The following ATXN7L1 variants were observed in gnomAD, a reference collection of about 807,000 sequenced individuals.
ATXN7L1 encodes ataxin 7 like 1.
ATXN7L1 carries 15 observed loss-of-function variants against 70.8 expected under a neutral mutation model. That is an observed-to-expected ratio of 0.21 (90% CI 0.14 to 0.33). ATXN7L1 has a LOEUF of 0.33. Ranked by LOEUF, ATXN7L1 falls within the 10% of genes least tolerant of loss-of-function variation. The probability of loss-of-function intolerance (pLI) is 1.00; values close to 1 mark genes in which losing one functional copy is unlikely to be tolerated. For missense variants in ATXN7L1, 975 were observed against 1,097.1 expected (o/e 0.89, Z 1.57); for synonymous variants, 440 against 445.1 (o/e 0.99, Z 0.14).
At chr7:105,694,881 G>A (rs907423099) in intron 3 of ATXN7L1, among the ~76,000 whole-genome samples, 24 of 152,170 alleles carry the variant, frequency 1.6e-4, no homozygotes, top group Non-Finnish European at 2.5e-4. Flanking sequence ...AGCCAGGCAC[G>A]GTGGCTCACA....
At chr7:105,630,042 T>A (rs1027505066) in intron 7 of ATXN7L1, among the ~76,000 whole-genome samples, 1 of 152,166 alleles carries the variant, frequency 6.6e-6, no homozygotes, top group South Asian at 2.1e-4. Flanking sequence ...AGTCTTGAAC[T>A]CTTGACTTCA....
intron 4 of ATXN7L1, among the ~76,000 whole-genome samples, chr7:105,652,338 T>C (rs1799974290): frequency 6.6e-6 from 1 of 152,088 alleles, no homozygotes; most frequent in Non-Finnish European, 1.5e-5. Flanking sequence ...GAATGGCCAT[T>C]GAAATTCACA....
In ATXN7L1 at chr7:105,674,166, G is replaced by A. The variant is rs149638499; in HGVS notation, c.356-8878C>T. Among the ~76,000 whole-genome samples, 35 of 152,266 alleles carry A rather than the reference G, an allele frequency of 2.3e-4. No individual in the cohort carries two copies. The East Asian group carries it at 6.4e-3, about 28-fold the overall frequency. On this transcript the variant is annotated intron_variant, in intron 3 of 11. Coordinates refer to ENST00000419735, the MANE Select transcript of ATXN7L1 (RefSeq NM_020725.2). ...CCTCTTCACCTCCTACCCACTGCTGGGCAACATGACCTATCTTGGGCACTA... is the reference window on the plus strand; with the variant it reads ...CCTCTTCACCTCCTACCCACTGCTGAGCAACATGACCTATCTTGGGCACTA...
chr7:105,715,069 C>T (rs1584809098), intron 3 of ATXN7L1, among the ~76,000 whole-genome samples: 1 of 152,126 alleles, frequency 6.6e-6, no homozygotes. Context: ...ACCCATGGGT[C>T]CTGGATGCCA....
intron 2 of ATXN7L1, among the ~76,000 whole-genome samples, chr7:105,864,438 C>T (rs1416614748): frequency 1.9e-5 from 2 of 106,394 alleles, no homozygotes; most frequent in African/African-American, 7.6e-5. Context: ...GCCTGGGTGG[C>T]AGAGAGAGGC....
At chr7:105,776,677 T>C (rs963241720) in intron 3 of ATXN7L1, among the ~76,000 whole-genome samples, 2 of 152,120 alleles carry the variant, frequency 1.3e-5, no homozygotes, top group Non-Finnish European at 2.9e-5. Context: ...AGCCACCATA[T>C]ATGCTAATAT....
At chr7:105,749,437 G>A (rs1439851794) in intron 3 of ATXN7L1, among the ~76,000 whole-genome samples, 1 of 151,658 alleles carries the variant, frequency 6.6e-6, no homozygotes, top group African/African-American at 2.4e-5. Flanking sequence ...TCTAGTCTTC[G>A]GAGTTGTCAT....
At chr7:105,714,813 C>T (rs1794342431) in intron 3 of ATXN7L1, among the ~76,000 whole-genome samples, 1 of 152,156 alleles carries the variant, frequency 6.6e-6, no homozygotes, top group Non-Finnish European at 1.5e-5. Context: ...CAGGTGCCCA[C>T]CAGCAAACAC....
chr7:105,755,280 C>T (rs934760353), intron 3 of ATXN7L1, among the ~76,000 whole-genome samples: 21 of 152,280 alleles, frequency 1.4e-4, no homozygotes, highest in Admixed American at 1.0e-3. Flanking sequence ...TCCTAAATCA[C>T]ACCACTAGGG....
At chr7:105,761,348 A>C in intron 3 of ATXN7L1, 3 of 1,613,624 alleles carry the variant, frequency 1.9e-6, no homozygotes, top group Non-Finnish European at 2.5e-6. Context: ...ATCTTTCAGA[A>C]GTTGTACGTC....
chr7:105,614,254 G>A lies in ATXN7L1; in HGVS notation c.2080C>T (p.Pro694Ser). The change falls in exon 10 of 12, where the codon CCC becomes TCC. Residue 694 changes from proline (P) to serine (S), a missense_variant. Transcript: ENST00000419735. The surrounding 1 kb of genome is among the most constrained non-coding windows in gnomAD (Gnocchi z 4.3). ...TTGTGCACAGACAGGCTGTTATAGGGAGGGGCCGCCTGATAGGAGTTCAAA... is the reference window on the plus strand; with the variant it reads ...TTGTGCACAGACAGGCTGTTATAGGAAGGGGCCGCCTGATAGGAGTTCAAA... The part of the protein sequence containing the change: ...SALNSYQAAP[P>S]YNSLSVHNSN... The A allele has an allele frequency of 6.4e-7, 1 of 1,551,790 alleles. No homozygotes were observed. Among genetic ancestry groups the A allele is most frequent in the Non-Finnish European group, 8.7e-7 (1 of 1,147,020 alleles).
intron 3 of ATXN7L1, among the ~76,000 whole-genome samples, chr7:105,706,027 A>C (rs1227354119): frequency 1.3e-5 from 2 of 152,258 alleles, no homozygotes; most frequent in Non-Finnish European, 2.9e-5. Flanking sequence ...TGAATAAATC[A>C]GGAAATAATT....
intron 3 of ATXN7L1, among the ~76,000 whole-genome samples, chr7:105,682,921 AAC>A (rs1256473275): frequency 1.3e-5 from 2 of 152,222 alleles, no homozygotes; most frequent in Non-Finnish European, 2.9e-5. Flanking sequence ...TTCAGTTTAA[AAC>A]AGTTAGCTTT....
intron 9 of ATXN7L1, among the ~76,000 whole-genome samples, chr7:105,615,473 G>A (rs979538573): frequency 7.9e-5 from 12 of 152,322 alleles, no homozygotes; most frequent in Admixed American, 7.2e-4. Context: ...GCGGCTGCTG[G>A]CTCCTGGTGG....
At chr7:105,639,154 C>CGCCGCCGCCGCT (rs1482963107) in intron 6 of ATXN7L1, among the ~76,000 whole-genome samples, 2 of 152,260 alleles carry the variant, frequency 1.3e-5, no homozygotes, top group East Asian at 3.9e-4. Context: ...CTGCCGCCGC[C>CGCCGCCGCCGCT]GCCGCCGCCG....
intron 2 of ATXN7L1, among the ~76,000 whole-genome samples, chr7:105,831,320 G>C (rs1310627822): frequency 6.6e-6 from 1 of 152,196 alleles, no homozygotes; most frequent in Non-Finnish European, 1.5e-5. Context: ...GCTCATTCAG[G>C]AGGTCTCCTA....
At chr7:105,854,958 CTT>C (rs34345388) in intron 2 of ATXN7L1, among the ~76,000 whole-genome samples, 175 of 130,364 alleles carry the variant, frequency 1.3e-3, no homozygotes, top group Middle Eastern at 3.9e-3. Flanking sequence ...TCTTCTTCTT[CTT>C]TTTTTTTTTT....
chr7:105,862,081 G>A (rs2116657227), intron 2 of ATXN7L1, among the ~76,000 whole-genome samples: 1 of 152,300 alleles, frequency 6.6e-6, no homozygotes, highest in East Asian at 1.9e-4. Context: ...TGGAGTCTGG[G>A]GACTTGGCTA....
chr7:105,665,744 C>T (rs1341263166), intron 3 of ATXN7L1, among the ~76,000 whole-genome samples: 5 of 152,186 alleles, frequency 3.3e-5, no homozygotes, highest in African/African-American at 9.7e-5. Flanking sequence ...TGCAGGAGCA[C>T]TAAAGTAAGA....
Sources: gnomAD v4.1 joint callset for allele counts (sites outside exome capture counted in the v4.1 genomes callset) on GRCh38, gnomAD v4.1.1 for gene constraint, Gnocchi (gnomAD v3.1) non-coding constraint, MANE v1.5 for transcripts, NCBI Gene and HGNC (gene_info 2026-07-23, HGNC 2026-07-21) for gene names.